The following TRAF3 variants were observed in gnomAD, a reference collection of about 807,000 sequenced individuals.
TRAF3 encodes TNF receptor-associated factor 3.
Under a neutral mutation model 62.3 loss-of-function variants are expected in TRAF3, and 13 were observed. That is an observed-to-expected ratio of 0.21 (90% confidence interval 0.14 to 0.33). TRAF3 has a LOEUF of 0.33. Among genes scored for constraint, TRAF3 ranks in the 10% least tolerant of loss-of-function variants. The probability of loss-of-function intolerance (pLI) is 1.00; values close to 1 mark genes in which losing one functional copy is unlikely to be tolerated. For missense variants in TRAF3, 440 were observed against 741.8 expected (o/e 0.59, Z 4.73); for synonymous variants, 269 against 283.4 (o/e 0.95, Z 0.51).
chr14:102,843,970 G>A (rs987485834), intron 2 of TRAF3, among the ~76,000 whole-genome samples: 4 of 152,202 alleles, frequency 2.6e-5, no homozygotes, highest in East Asian at 3.8e-4. Context: ...TTAGCATCAC[G>A]CTATATACAT....
At chr14:102,861,915 T>C (rs1477804675) in intron 2 of TRAF3, among the ~76,000 whole-genome samples, 1 of 152,252 alleles carries the variant, frequency 6.6e-6, no homozygotes, top group Admixed American at 6.5e-5. Context: ...GGTTGAGTTA[T>C]AAGAGTGCTT....
intron 2 of TRAF3, among the ~76,000 whole-genome samples, chr14:102,835,401 A>G (rs896199017): frequency 6.6e-6 from 1 of 152,226 alleles, no homozygotes; most frequent in African/African-American, 2.4e-5. Flanking sequence ...TACTGGTTAT[A>G]TATACTCAAA....
chr14:102,895,870 T>TC (rs1402570733), intron 9 of TRAF3, among the ~76,000 whole-genome samples: 1 of 152,180 alleles, frequency 6.6e-6, no homozygotes, highest in South Asian at 2.1e-4. Context: ...CTTCTGCGCT[T>TC]CCGTGGAAGG....
intron 1 of TRAF3, among the ~76,000 whole-genome samples, chr14:102,781,727 A>G (rs190462366): frequency 6.6e-6 from 1 of 151,564 alleles, no homozygotes; most frequent in African/African-American, 2.4e-5. Flanking sequence ...CCTGGGTTCA[A>G]ATGAGTCTCC....
At chr14:102,872,325 C>T (rs1359355262) in intron 4 of TRAF3, among the ~76,000 whole-genome samples, 10 of 152,226 alleles carry the variant, frequency 6.6e-5, no homozygotes, top group Non-Finnish European at 1.3e-4. Flanking sequence ...TCACTTCCGT[C>T]ATTGCAGGTC....
At chr14:102,780,912 G>A (rs1303586237) in intron 1 of TRAF3, among the ~76,000 whole-genome samples, 1 of 152,208 alleles carries the variant, frequency 6.6e-6, no homozygotes, top group African/African-American at 2.4e-5. Flanking sequence ...ACAGGAGCTT[G>A]TGGCAGGAAG....
At chr14:102,835,791 A>T (rs1366789076) in intron 2 of TRAF3, among the ~76,000 whole-genome samples, 1 of 152,220 alleles carries the variant, frequency 6.6e-6, no homozygotes, top group African/African-American at 2.4e-5. Flanking sequence ...ATCAGAAAAA[A>T]TAACCATTGG....
intron 10 of TRAF3, among the ~76,000 whole-genome samples, chr14:102,900,177 T>G (rs1890208692): frequency 1.8e-5 from 1 of 56,862 alleles, no homozygotes; most frequent in African/African-American, 4.2e-4. Flanking sequence ...AGACTCCGTC[T>G]CGGAAAAAAA....
chr14:102,810,658 G>C (rs1235794278), intron 1 of TRAF3: 1 of 152,144 alleles, frequency 6.6e-6, no homozygotes, highest in Non-Finnish European at 1.5e-5. Context: ...TGATTGTTTT[G>C]ATCAGCAGCT....
At chr14:102,845,497 C>T (rs1479117120) in intron 2 of TRAF3, among the ~76,000 whole-genome samples, 1 of 148,636 alleles carries the variant, frequency 6.7e-6, no homozygotes, top group East Asian at 2.0e-4. Context: ...GCACCGTGCC[C>T]AGCCTAAAAA....
chr14:102,793,945 A>G (rs1359665941), intron 1 of TRAF3, among the ~76,000 whole-genome samples: 1 of 152,050 alleles, frequency 6.6e-6, no homozygotes, highest in East Asian at 1.9e-4. Context: ...GAGGTAATTT[A>G]TTGGTATTCA....
chr14:102,779,809 CATCTT>C (rs1897196124), intron 1 of TRAF3, among the ~76,000 whole-genome samples: 1 of 152,210 alleles, frequency 6.6e-6, no homozygotes, highest in Admixed American at 6.5e-5. Flanking sequence ...TCTATTTTCT[CATCTT>C]CATATAGCAA....
At chr14:102,887,389 G>A (rs1459839387) in intron 7 of TRAF3, among the ~76,000 whole-genome samples, 1 of 152,242 alleles carries the variant, frequency 6.6e-6, no homozygotes, top group Non-Finnish European at 1.5e-5. Flanking sequence ...ACTCAGGGTA[G>A]AGGAGGGCCC....
intron 2 of TRAF3, among the ~76,000 whole-genome samples, chr14:102,842,285 A>G (rs1382710721): frequency 6.8e-6 from 1 of 147,708 alleles, no homozygotes; most frequent in Admixed American, 6.8e-5. Flanking sequence ...TTTTATTTAT[A>G]TAATAAAATA....
chr14:102,866,347 C>T (rs751934953), intron 2 of TRAF3, among the ~76,000 whole-genome samples: 4 of 152,022 alleles, frequency 2.6e-5, no homozygotes, highest in Non-Finnish European at 4.4e-5. Context: ...CAAACCACAA[C>T]GGCACGTGTA....
At position 102,897,385 on chromosome 14, in the gene TRAF3, A is replaced by G; in HGVS notation, c.944A>G (p.Lys315Arg). 1 of 1,613,954 alleles carries G rather than the reference A, an allele frequency of 6.2e-7. No homozygotes were observed. The highest frequency in any genetic ancestry group is 8.5e-7 in the Non-Finnish European group (1 of 1,179,922). ...GAAATGCTTCGAAATAATGAATCCA[A>G]AATCCTTCATTTACAGGTAAGAATC... ...QKEMLRNNESKILHLQRVIDS... is the reference protein window; with the variant it reads ...QKEMLRNNESRILHLQRVIDS... Residue 315 changes from lysine (K) to arginine (R), a missense_variant, in exon 10 of 12, where the codon AAA (lysine) becomes AGA (arginine). By Grantham distance (26) the Lys-to-Arg change is conservative (BLOSUM62 2). Transcript: ENST00000392745.
At chr14:102,843,669 A>G (rs1886517925) in intron 2 of TRAF3, among the ~76,000 whole-genome samples, 1 of 152,128 alleles carries the variant, frequency 6.6e-6, no homozygotes, top group Admixed American at 6.5e-5. Context: ...GGGGCCAGGC[A>G]TGGTGTCTCA....
chr14:102,900,476 G>A (rs1456314598), intron 10 of TRAF3, among the ~76,000 whole-genome samples: 1 of 152,248 alleles, frequency 6.6e-6, no homozygotes, highest in Non-Finnish European at 1.5e-5. Flanking sequence ...ACTCGAGACT[G>A]GGTGACAGAG....
intron 1 of TRAF3, among the ~76,000 whole-genome samples, chr14:102,808,210 A>G (rs2015407): frequency 0.51 from 77,458 of 151,870 alleles, 22,519 homozygotes; most frequent in South Asian, 0.74. Context: ...ATGGAGATGG[A>G]TGTGAAAGAA....
Sources: gnomAD v4.1 joint callset for allele counts (sites outside exome capture counted in the v4.1 genomes callset) on GRCh38, gnomAD v4.1.1 for gene constraint, MANE v1.5 for transcripts, NCBI Gene and HGNC (gene_info 2026-07-23, HGNC 2026-07-21) for gene names.